Variants in FAM227B observed in about 807,000 individuals in gnomAD.
The protein encoded by FAM227B is protein FAM227B.
Under a neutral mutation model 73.8 loss-of-function variants are expected in FAM227B, and 88 were observed. The ratio of observed to expected loss-of-function variants is 1.19; its 90% CI spans 1.00 to 1.42. The LOEUF is 1.42. Among genes scored for constraint, FAM227B ranks in the 40% most tolerant of loss-of-function variants. The pLI is 0.00. For missense variants in FAM227B, 632 were observed against 590.9 expected (o/e 1.07, Z -0.72); for synonymous variants, 210 against 190.5 (o/e 1.10, Z -0.84).
chr15:49,337,234 G>A (rs542223392), intron 13 of FAM227B, among the ~76,000 whole-genome samples: 16 of 152,248 alleles, frequency 1.1e-4, no homozygotes, highest in African/African-American at 3.1e-4. Flanking sequence ...TGGGTTGAAC[G>A]GTAGTTCTGT....
intron 10 of FAM227B, among the ~76,000 whole-genome samples, chr15:49,511,270 T>C (rs746198026): frequency 1.3e-5 from 2 of 152,106 alleles, no homozygotes; most frequent in African/African-American, 2.4e-5. Flanking sequence ...TCAGTCTTTA[T>C]TCTTTTTTGA....
At chr15:49,471,182 A>G (rs960152948) in intron 11 of FAM227B, among the ~76,000 whole-genome samples, 2 of 152,152 alleles carry the variant, frequency 1.3e-5, no homozygotes, top group African/African-American at 4.8e-5. Flanking sequence ...CCAAACCATC[A>G]TTAAGAATAT....
intron 11 of FAM227B, among the ~76,000 whole-genome samples, chr15:49,436,789 A>G (rs751584540): frequency 5.9e-5 from 9 of 151,570 alleles, no homozygotes; most frequent in Non-Finnish European, 1.3e-4. Context: ...ATGTATCACT[A>G]TACTGTCACT....
At chr15:49,380,278 C>T (rs954193472) in intron 11 of FAM227B, among the ~76,000 whole-genome samples, 1 of 152,132 alleles carries the variant, frequency 6.6e-6, no homozygotes, top group Non-Finnish European at 1.5e-5. Flanking sequence ...TTCAGGGCGG[C>T]GTGCTCCCCT....
At chr15:49,430,246 C>G (rs542769133) in intron 11 of FAM227B, among the ~76,000 whole-genome samples, 96 of 151,900 alleles carry the variant, frequency 6.3e-4, no homozygotes, top group Non-Finnish European at 1.2e-3. Flanking sequence ...GTACCACAGC[C>G]TCACAATGAC....
At chr15:49,614,344 G>T (rs971877591) in intron 2 of FAM227B, among the ~76,000 whole-genome samples, 1 of 152,134 alleles carries the variant, frequency 6.6e-6, no homozygotes. Context: ...ATTTTTCTAT[G>T]GGGTTAGTGA....
At chr15:49,418,748 C>A (rs980470943) in intron 11 of FAM227B, among the ~76,000 whole-genome samples, 1 of 151,018 alleles carries the variant, frequency 6.6e-6, no homozygotes, top group Non-Finnish European at 1.5e-5. Flanking sequence ...ACCTGTATAA[C>A]AAATCTGCAC....
intron 11 of FAM227B, among the ~76,000 whole-genome samples, chr15:49,432,895 C>T (rs559686370): frequency 1.4e-4 from 21 of 151,404 alleles, no homozygotes; most frequent in African/African-American, 4.4e-4. Flanking sequence ...TTTGGGCCAC[C>T]GATAAACTAA....
At chr15:49,349,673 C>A (rs1277174738) in intron 13 of FAM227B, among the ~76,000 whole-genome samples, 8 of 152,090 alleles carry the variant, frequency 5.3e-5, no homozygotes, top group Admixed American at 5.2e-4. Flanking sequence ...CAGAAATATT[C>A]TAACTGTAAA....
chr15:49,341,600 C>T (rs1228446523), intron 13 of FAM227B, among the ~76,000 whole-genome samples: 1 of 152,122 alleles, frequency 6.6e-6, no homozygotes, highest in East Asian at 1.9e-4. Flanking sequence ...GATTTGCTTA[C>T]TTCAATCTCC....
intron 10 of FAM227B, among the ~76,000 whole-genome samples, chr15:49,510,570 T>C (rs2058918963): frequency 6.6e-6 from 1 of 152,144 alleles, no homozygotes; most frequent in African/African-American, 2.4e-5. Flanking sequence ...AGCCTGCCAA[T>C]GTGCTCGAAT....
chr15:49,423,006 T>G (rs2049819983), intron 11 of FAM227B: 1 of 264,858 alleles, frequency 3.8e-6, no homozygotes, highest in Non-Finnish European at 7.3e-6. Context: ...GTTTAAAAAA[T>G]TCCCTTTCCC....
chr15:49,514,629 C>T (rs1043680265), intron 10 of FAM227B, among the ~76,000 whole-genome samples: 3 of 152,052 alleles, frequency 2.0e-5, no homozygotes, highest in Non-Finnish European at 4.4e-5. Flanking sequence ...AGTGAATTTT[C>T]AGCTCTTCAT....
At chr15:49,478,922 T>A (rs546269185) in intron 11 of FAM227B, among the ~76,000 whole-genome samples, 71 of 152,268 alleles carry the variant, frequency 4.7e-4, no homozygotes, top group African/African-American at 1.7e-3. Context: ...AATACAAGAT[T>A]AGAGGGACAC....
At chr15:49,522,349 T>C (rs1443430906) in intron 10 of FAM227B, among the ~76,000 whole-genome samples, 1 of 152,192 alleles carries the variant, frequency 6.6e-6, no homozygotes, top group African/African-American at 2.4e-5. Flanking sequence ...GCTTCTTCAG[T>C]TGAGAAGGAT....
chr15:49,595,592 T>C (rs2076841259), intron 3 of FAM227B, among the ~76,000 whole-genome samples: 1 of 151,888 alleles, frequency 6.6e-6, no homozygotes, highest in African/African-American at 2.4e-5. Flanking sequence ...GACATAGCTT[T>C]TATTACCTTA....
At chr15:49,503,753 G>A (rs965539316) in intron 11 of FAM227B, among the ~76,000 whole-genome samples, 3 of 152,256 alleles carry the variant, frequency 2.0e-5, no homozygotes, top group South Asian at 2.1e-4. Context: ...TTAGAATGGT[G>A]ATCATTAAAA....
At chr15:49,573,270 T>C (rs984598719) in intron 8 of FAM227B, among the ~76,000 whole-genome samples, 3 of 152,166 alleles carry the variant, frequency 2.0e-5, no homozygotes, top group Non-Finnish European at 4.4e-5. Context: ...TATAATTCCA[T>C]GTTGATCTGA....
intron 12 of FAM227B, among the ~76,000 whole-genome samples, chr15:49,369,558 G>A (rs1253122815): frequency 3.9e-5 from 6 of 152,096 alleles, no homozygotes; most frequent in Middle Eastern, 3.2e-3. Context: ...ATTTATTAAA[G>A]GATAATTGCT....
Sources: allele counts gnomAD v4.1 joint callset (sites outside exome capture counted in the v4.1 genomes callset), GRCh38; gene constraint gnomAD v4.1.1; transcripts MANE v1.5; gene names NCBI Gene and HGNC (gene_info 2026-07-23, HGNC 2026-07-21).